Variants in EBP observed in about 807,000 individuals in gnomAD.
EBP encodes the protein EBP cholestenol delta-isomerase, also known as 3-beta-hydroxysteroid-Delta(8),Delta(7)-isomerase.
A neutral mutation model predicts 14.1 loss-of-function variants in EBP; 1 was observed. The observed-to-expected ratio is 0.07, with a 90% confidence interval of 0.03 to 0.34. EBP has a LOEUF of 0.34. Ranked by LOEUF, EBP falls within the 10% of genes least tolerant of loss-of-function variation. EBP has a pLI of 0.99. For missense variants in EBP, 123 were observed against 184.6 expected, an observed-to-expected ratio of 0.67 and a Z score of 1.93; for synonymous variants, 72 against 77.7, an observed-to-expected ratio of 0.93 and a Z score of 0.38.
rs1556976956 is a variant in EBP, at chrX:48,523,699, G to C, written c.-73G>C. On this transcript the variant is annotated splice_region_variant and 5_prime_UTR_variant, in exon 2 of 5. Transcript: ENST00000495186. ...CATTCTGTACTTTCTATTTGTCCAG[G>C]TTTTTCTGTTCCTTTTTTTTTTTTT... 3 of 1,003,192 alleles carry C rather than the reference G, an allele frequency of 3.0e-6. No individual in the cohort carries two copies. The Admixed American group carries it at 8.9e-5, about 30-fold the overall frequency. The allele number at this position is 1,003,192 out of a possible 1,213,427, so 82.7% of individuals were successfully genotyped here. A position where few individuals can be genotyped will look rare whatever the true frequency, so the allele number is the denominator to read the frequency against.
chrX:48,524,202 T>A (rs2061772588), intron 2 of EBP, 130 bp downstream of exon 2: 1 of 697,907 alleles, frequency 1.4e-6, no homozygotes, highest in African/African-American at 2.2e-5. Context: ...TTTTAAAAAA[T>A]TTATTATAGG....
chrX:48,526,545 T>A (rs1311721605), intron 2 of EBP, among the ~76,000 whole-genome samples: 1 of 110,696 alleles, frequency 9.0e-6, no homozygotes, highest in Non-Finnish European at 1.9e-5. Flanking sequence ...TTGTTCAGAC[T>A]GGTCTTGAAC....
chrX:48,527,511 C>T (rs2061783010), intron 4 of EBP: 2 of 508,582 alleles, frequency 3.9e-6, no homozygotes, highest in Non-Finnish European at 6.3e-6. Flanking sequence ...TTCTCCATCA[C>T]AAAGTCTCCT....
At chrX:48,527,083 G>C (rs2061781502) in intron 3 of EBP, 58 bp downstream of exon 3, 1 of 1,209,358 alleles carries the variant, frequency 8.3e-7, no homozygotes, top group Non-Finnish European at 1.1e-6. Flanking sequence ...GTGGTGAGTT[G>C]GGGAGCACTA....
At position 48,528,675 on chromosome X, in the gene EBP, T is replaced by C. The variant is rs1265431582; in HGVS notation, c.*218T>C. 13 of 436,101 alleles carry C rather than the reference T, an allele frequency of 3.0e-5. No homozygotes were observed. In the African/African-American group the frequency reaches 3.2e-4, roughly 11 times the overall value. 35.9% of individuals were successfully genotyped at this position (436,101 alleles called of 1,213,427 possible). ...AGAGAAGCCAGGAGGTCTATGATGG[T>C]GACGATTTTTAAAATCAGGAAATAA... On this transcript the variant is annotated 3_prime_UTR_variant, in exon 5 of 5. Coordinates refer to ENST00000495186, the MANE Select transcript of EBP (RefSeq NM_006579.3).
chrX:48,527,485 T>C (rs1239124050), intron 4 of EBP, 200 bp downstream of exon 4: 1 of 589,105 alleles, frequency 1.7e-6, no homozygotes, highest in African/African-American at 2.3e-5. Flanking sequence ...GGGTTCATTT[T>C]TCTTCCTCCT....
intron 1 of EBP, 179 bp downstream of exon 1, chrX:48,522,086 T>C (rs782439188): frequency 8.4e-5 from 9 of 107,199 alleles, no homozygotes; most frequent in Admixed American, 4.0e-4. Flanking sequence ...CGTCTTCTCA[T>C]TGGGCAGCGG....
chrX:48,526,271 G>T (rs2061778844), intron 2 of EBP, among the ~76,000 whole-genome samples: 1 of 109,108 alleles, frequency 9.2e-6, no homozygotes, highest in Non-Finnish European at 1.9e-5. Flanking sequence ...TGGCCATTTA[G>T]AAATCCTCTT....
At chrX:48,522,718 G>T (rs1556976785) in intron 1 of EBP, among the ~76,000 whole-genome samples, 1 of 112,028 alleles carries the variant, frequency 8.9e-6, no homozygotes, top group African/African-American at 3.2e-5. Context: ...TGTTGCCCAG[G>T]CTGGAGTGCA....
At position 48,523,651 on chromosome X, in the gene EBP, A is replaced by AT. The variant is rs2061770285; in HGVS notation, c.-73-45dup. On this transcript the variant is annotated intron_variant, in intron 1 of 4. Coordinates refer to ENST00000495186, the MANE Select transcript of EBP (RefSeq NM_006579.3). ...TTTACATTTCTCATGATAATAAACTATTTGAATTTGATTTTATTATCTCAT... is the reference window on the plus strand; with the variant it reads ...TTTACATTTCTCATGATAATAAACTATTTTGAATTTGATTTTATTATCTCAT... The AT allele has an allele frequency of 4.0e-6, 3 of 757,159 alleles. No homozygotes were observed. The Admixed American group carries it at 9.9e-5, about 25-fold the overall frequency. 62.4% of individuals were successfully genotyped at this position (757,159 alleles called of 1,213,427 possible).
At chrX:48,525,533 TA>T (rs1184990129) in intron 2 of EBP, among the ~76,000 whole-genome samples, 4 of 109,538 alleles carry the variant, frequency 3.7e-5, no homozygotes, top group African/African-American at 1.3e-4. Flanking sequence ...CCCACCAAGT[TA>T]TTTTTTTTTT....
chrX:48,523,631 A>ATT lies in EBP; in HGVS notation c.-73-66_-73-65dup, dbSNP rs1288666076. The ATT allele has an allele frequency of 4.6e-6, 3 of 645,188 alleles. No homozygotes were observed. The African/African-American group carries it at 6.9e-5, about 15-fold the overall frequency. 53.2% of individuals were successfully genotyped at this position (645,188 alleles called of 1,213,427 possible). A position where few individuals can be genotyped will look rare whatever the true frequency, so the allele number is the denominator to read the frequency against. ...TAACTGGTAAATTCGGTCCATTTAC[A>ATT]TTTCTCATGATAATAAACTATTTGA... On this transcript the variant is annotated intron_variant, in intron 1 of 4. Coordinates refer to ENST00000495186, the MANE Select transcript of EBP (RefSeq NM_006579.3).
chrX:48,527,898 G>C lies in EBP; in HGVS notation c.470-336G>C, dbSNP rs782417378. 2.7e-5 allele frequency among the ~76,000 whole-genome samples: 3 copies of C among 112,230 alleles called. No homozygotes were observed. In the South Asian group the frequency reaches 1.1e-3, roughly 41 times the overall value. On this transcript the variant is annotated intron_variant, in intron 4 of 4. Transcript: ENST00000495186. ...TGGGATTACAGGTGTGAGCCACTGT[G>C]CCCGGCCTCAGTCATCTTGTGTTAT... is the stretch of plus-strand genomic sequence containing the variant.
intron 3 of EBP, 34 bp from the exon 4 acceptor site, chrX:48,527,121 C>T (rs566252597): frequency 1.1e-5 from 13 of 1,209,893 alleles, no homozygotes; most frequent in Admixed American, 4.4e-5. Flanking sequence ...AAGAGCACAC[C>T]GATACCAGTG....
At chrX:48,527,134 C>T in intron 3 of EBP, 21 bp from the exon 4 acceptor site, 1 of 1,211,685 alleles carries the variant, frequency 8.3e-7, no homozygotes, top group Non-Finnish European at 1.1e-6. Context: ...TACCAGTGTC[C>T]CCTCATGCTT....
At chrX:48,527,377 A>G in intron 4 of EBP, 92 bp downstream of exon 4, 1 of 1,177,278 alleles carries the variant, frequency 8.5e-7, no homozygotes, top group African/African-American at 1.8e-5. Context: ...GGGATCTCTC[A>G]ACGGTGCCCT....
intron 4 of EBP, 27 bp downstream of exon 4, chrX:48,527,312 T>C (rs1556977614): frequency 5.0e-6 from 6 of 1,210,381 alleles, no homozygotes; most frequent in Non-Finnish European, 5.6e-6. Flanking sequence ...AGAGGGGCAC[T>C]GGGCACTAGA....
intron 4 of EBP, among the ~76,000 whole-genome samples, chrX:48,527,954 T>A (rs782240238): frequency 5.4e-5 from 6 of 111,899 alleles, no homozygotes; most frequent in Non-Finnish European, 1.1e-4. Flanking sequence ...GTTCTAGCGA[T>A]ATGAGTTATC....
intron 2 of EBP, 139 bp downstream of exon 2, chrX:48,524,211 G>A (rs943885685): frequency 4.6e-5 from 30 of 655,836 alleles, no homozygotes; most frequent in Non-Finnish European, 6.5e-5. Flanking sequence ...ATTTATTATA[G>A]GCCGGGCACA....
Sources: allele counts gnomAD v4.1 joint callset (sites outside exome capture counted in the v4.1 genomes callset), GRCh38; gene constraint gnomAD v4.1.1; transcripts MANE v1.5; gene names NCBI Gene and HGNC (gene_info 2026-07-23, HGNC 2026-07-21).